TCN2: variants seen among roughly 807,000 people sequenced by gnomAD.
TCN2 encodes the protein transcobalamin-2.
In TCN2, 34 loss-of-function variants were observed where a neutral mutation model predicts 48.6. The ratio of observed to expected loss-of-function variants is 0.70; its 90% CI spans 0.53 to 0.93. TCN2 has a LOEUF of 0.93. Among genes scored for constraint, TCN2 ranks in the 40% least tolerant of loss-of-function variants. TCN2 has a pLI of 0.00. For missense variants in TCN2, 652 were observed against 526.1 expected, an observed-to-expected ratio of 1.24 and a Z score of -2.34; for synonymous variants, 283 against 212.5, an observed-to-expected ratio of 1.33 and a Z score of -2.89.
intron 8 of TCN2, among the ~76,000 whole-genome samples, chr22:30,623,967 CACACATATATATGTATACATAT>C (rs2087759103): frequency 8.9e-6 from 1 of 111,774 alleles, no homozygotes; most frequent in Non-Finnish European, 1.7e-5. Flanking sequence ...CATATATACA[CACACATATATATGTATACATAT>C]ATACACACAT....
intron 7 of TCN2, 90 bp downstream of exon 7, chr22:30,617,585 T>C (rs2087632139): frequency 6.4e-7 from 1 of 1,566,726 alleles, no homozygotes; most frequent in Admixed American, 1.7e-5. Context: ...GAGGAGAGGG[T>C]TCCCTCGGGA....
intron 8 of TCN2, among the ~76,000 whole-genome samples, chr22:30,625,671 A>C (rs2087796888): frequency 6.6e-6 from 1 of 152,086 alleles, no homozygotes; most frequent in Non-Finnish European, 1.5e-5. Context: ...ACCATGTTGC[A>C]TAGGCTGGTC....
At chr22:30,626,395 A>AG in intron 8 of TCN2, 65 bp from the exon 9 acceptor site, 2 of 1,553,416 alleles carry the variant, frequency 1.3e-6, no homozygotes, top group Non-Finnish European at 1.8e-6. Flanking sequence ...GGGGTCTGGA[A>AG]GATGAGGTTG....
chr22:30,608,363 T>G (rs2087484066), intron 1 of TCN2, among the ~76,000 whole-genome samples: 1 of 152,108 alleles, frequency 6.6e-6, no homozygotes, highest in Non-Finnish European at 1.5e-5. Flanking sequence ...GAACTTAGTT[T>G]TTAGAACTTG....
At chr22:30,624,647 C>T (rs75038046) in intron 8 of TCN2, among the ~76,000 whole-genome samples, 188 of 152,248 alleles carry the variant, frequency 1.2e-3, no homozygotes, top group African/African-American at 3.9e-3. Context: ...AGGGTGAGAG[C>T]TAGGTGGACC....
chr22:30,610,761 A>AG (rs1385842194), intron 1 of TCN2, 110 bp from the exon 2 acceptor site: 1 of 1,119,630 alleles, frequency 8.9e-7, no homozygotes, highest in Non-Finnish European at 1.3e-6. Context: ...TGCTGGGTGG[A>AG]GGTGGGGGTG....
chr22:30,616,346 G>A (rs1257932644), intron 6 of TCN2, among the ~76,000 whole-genome samples: 2 of 151,990 alleles, frequency 1.3e-5, no homozygotes, highest in Non-Finnish European at 2.9e-5. Context: ...AGCTGGGTGT[G>A]GTGGCGAGTG....
intron 1 of TCN2, chr22:30,610,382 C>T (rs2087518607): frequency 2.2e-6 from 1 of 445,868 alleles, no homozygotes. Context: ...ACGGGTAGCA[C>T]ACACATTCAG....
At chr22:30,612,421 G>A (rs1367633285) in intron 2 of TCN2, among the ~76,000 whole-genome samples, 1 of 151,874 alleles carries the variant, frequency 6.6e-6, no homozygotes, top group African/African-American at 2.4e-5. Flanking sequence ...GTGGTGGTGG[G>A]CAACTGTAAT....
Position 30,611,079 on chromosome 22 carries a change from C to CT in TCN2, c.257+21dup. ...GCCTCCTAGGGTATTGCCACACTCT[C>CT]TTTTTCCATGTCTTGCTCCACATAC... On this transcript the variant is annotated intron_variant, in intron 2 of 8. Coordinates refer to ENST00000215838, the MANE Select transcript of TCN2 (RefSeq NM_000355.4). 6.2e-7 allele frequency: 1 copy of CT among 1,613,908 alleles called. No individual in the cohort carries two copies. The highest frequency in any genetic ancestry group is 8.5e-7 in the Non-Finnish European group (1 of 1,179,896).
intron 1 of TCN2, among the ~76,000 whole-genome samples, chr22:30,609,892 AC>A (rs2087509779): frequency 6.6e-6 from 1 of 151,890 alleles, no homozygotes; most frequent in Admixed American, 6.6e-5. Flanking sequence ...TGGGACCCAG[AC>A]CCACAGAGAT....
At chr22:30,618,464 G>A (rs2087647675) in intron 7 of TCN2, among the ~76,000 whole-genome samples, 1 of 152,058 alleles carries the variant, frequency 6.6e-6, no homozygotes. Context: ...TGATTGTCCT[G>A]CCTCAGCCTC....
rs77763564 is a variant in TCN2 at position 30,610,854 on chromosome 22, C to T, written c.65-17C>T. 0.016 allele frequency: 26,451 copies of T among 1,614,048 alleles called. 276 individuals carry two copies. The highest frequency in any genetic ancestry group is 0.019 in the Non-Finnish European group (22,510 of 1,179,918). On this transcript the variant is annotated splice_polypyrimidine_tract_variant and intron_variant, in intron 1 of 8. Transcript: ENST00000215838. Reference sequence around the variant, plus strand: ...GCCTGGCCCTGTGACCTCATTTGTACCATTTTCTTTTCTAAGAAATACCAG... The same window carrying T: ...GCCTGGCCCTGTGACCTCATTTGTATCATTTTCTTTTCTAAGAAATACCAG...
chr22:30,611,408 C>T (rs993080666), intron 2 of TCN2, among the ~76,000 whole-genome samples: 1 of 152,108 alleles, frequency 6.6e-6, no homozygotes, highest in African/African-American at 2.4e-5. Context: ...CTGCAGTCTT[C>T]TACATTGAGC....
rs150715006 is a variant in TCN2 at position 30,611,157 on chromosome 22, A to C, written c.257+94A>C. Reference sequence around the variant, plus strand: ...TTGGGCCTGTCACCACTTTGTGGGCAGACCTTAGGCAAATTTTCTCCATCT... The same window carrying C: ...TTGGGCCTGTCACCACTTTGTGGGCCGACCTTAGGCAAATTTTCTCCATCT... On this transcript the variant is annotated intron_variant, in intron 2 of 8. Coordinates refer to ENST00000215838, the MANE Select transcript of TCN2 (RefSeq NM_000355.4). 929 of 1,505,218 alleles carry C rather than the reference A, an allele frequency of 6.2e-4. 2 individuals are homozygous for C. In the African/African-American group the frequency reaches 0.011, roughly 18 times the overall value. The allele number at this position is 1,505,218 out of a possible 1,614,324, so 93.2% of individuals were successfully genotyped here. A position where few individuals can be genotyped will look rare whatever the true frequency, so the allele number is the denominator to read the frequency against.
intron 3 of TCN2, among the ~76,000 whole-genome samples, chr22:30,613,785 G>C (rs1003836903): frequency 1.3e-5 from 2 of 152,088 alleles, no homozygotes; most frequent in Admixed American, 1.3e-4. Flanking sequence ...CAGGGGCCTC[G>C]CACTGCTCCA....
Position 30,617,449 on chromosome 22 carries a change from A to C in TCN2, c.1060A>C (p.Thr354Pro). 1 of 1,614,140 alleles carries C rather than the reference A, an allele frequency of 6.2e-7. No individual in the cohort carries two copies. Among genetic ancestry groups the C allele is most frequent in the Non-Finnish European group, 8.5e-7 (1 of 1,180,030 alleles). The change falls in exon 7 of 9, where the codon ACC becomes CCC. Residue 354 changes from threonine (T) to proline (P), a missense_variant. By Grantham distance (38) the Thr-to-Pro change is conservative. Coordinates refer to ENST00000215838, the MANE Select transcript of TCN2 (RefSeq NM_000355.4). Reference protein sequence around the residue: ...RQSISVLAGSTVEDVLKKAHE... With the variant: ...RQSISVLAGSPVEDVLKKAHE... ...GTCCATCTCTGTTCTGGCCGGGTCC[A>C]CCGTGGAAGATGTCCTGAAGAAGGC...
intron 2 of TCN2, among the ~76,000 whole-genome samples, chr22:30,612,411 G>A (rs2087555049): frequency 6.6e-6 from 1 of 152,098 alleles, no homozygotes. Context: ...TTAGCCAAGG[G>A]TGGTGGTGGG....
At position 30,614,569 on chromosome 22, in the gene TCN2, C is replaced by G. The variant is rs5997703; in HGVS notation, c.580+68C>G. On this transcript the variant is annotated intron_variant, in intron 4 of 8. Coordinates refer to ENST00000215838, the MANE Select transcript of TCN2 (RefSeq NM_000355.4). The stretch of plus-strand genomic sequence containing the variant: ...CAGTCCCCAGGTCTGCACTGATGAC[C>G]TCCATACCCTGGCCCCCACACTCAC... 626,133 of 1,599,198 alleles carry G rather than the reference C, an allele frequency of 0.39. 126,308 individuals are homozygous for G. Among genetic ancestry groups the G allele is most frequent in the Non-Finnish European group, 0.42 (488,753 of 1,172,738 alleles).
Sources: gnomAD v4.1 joint callset for allele counts (sites outside exome capture counted in the v4.1 genomes callset) on GRCh38, gnomAD v4.1.1 for gene constraint, MANE v1.5 for transcripts, NCBI Gene and HGNC (gene_info 2026-07-23, HGNC 2026-07-21) for gene names.